The following ARHGAP26 variants were observed in gnomAD, a reference collection of about 807,000 sequenced individuals.
ARHGAP26 encodes the protein rho GTPase-activating protein 26.
ARHGAP26 carries 38 observed loss-of-function variants against 104.8 expected under a neutral mutation model. That is an observed-to-expected ratio of 0.36 (90% confidence interval 0.28 to 0.48). ARHGAP26 has a LOEUF of 0.48. Ranked by LOEUF, ARHGAP26 falls within the 20% of genes least tolerant of loss-of-function variation. The probability of loss-of-function intolerance (pLI) is 0.99; values close to 1 mark genes in which losing one functional copy is unlikely to be tolerated. For synonymous variants in ARHGAP26, 341 were observed against 340.0 expected (o/e 1.00, Z -0.03); for missense variants, 704 against 947.9 (o/e 0.74, Z 3.38).
chr5:142,838,719 G>A (rs1277404490), intron 1 of ARHGAP26, among the ~76,000 whole-genome samples: 1 of 152,222 alleles, frequency 6.6e-6, no homozygotes, highest in Non-Finnish European at 1.5e-5. Context: ...GAACAAGCTG[G>A]TTTGAGGCAC....
intron 17 of ARHGAP26, 141 bp downstream of exon 17, chr5:143,057,888 G>T: frequency 1.3e-6 from 1 of 786,742 alleles, no homozygotes; most frequent in Non-Finnish European, 2.2e-6. Flanking sequence ...AGAAATGTGT[G>T]AAATGTTCAT....
At chr5:142,846,663 T>A (rs1357785029) in intron 1 of ARHGAP26, among the ~76,000 whole-genome samples, 1 of 152,156 alleles carries the variant, frequency 6.6e-6, no homozygotes, top group Non-Finnish European at 1.5e-5. Flanking sequence ...TCATAGACAT[T>A]TGGGAGCAAA....
At chr5:143,124,381 C>T (rs967855050) in intron 18 of ARHGAP26, among the ~76,000 whole-genome samples, 1 of 152,204 alleles carries the variant, frequency 6.6e-6, no homozygotes, top group Non-Finnish European at 1.5e-5. Context: ...ATCTCCAAAC[C>T]TAGTGACTTA....
At chr5:142,957,178 GA>G (rs1362351531) in intron 11 of ARHGAP26, among the ~76,000 whole-genome samples, 2 of 152,162 alleles carry the variant, frequency 1.3e-5, no homozygotes, top group South Asian at 2.1e-4. Context: ...TGGATTTGGG[GA>G]AAATTGATGA....
intron 18 of ARHGAP26, among the ~76,000 whole-genome samples, chr5:143,128,006 C>G (rs1317270584): frequency 1.3e-5 from 2 of 152,094 alleles, no homozygotes; most frequent in Non-Finnish European, 2.9e-5. Context: ...GTTGACTTCC[C>G]TTCCAATGGT....
In ARHGAP26 at chr5:142,913,441, C is replaced by A. The variant is rs922007787; in HGVS notation, c.1028+148C>A. ...CTCCCCCTGCCTCCTTCCTTTCCTT[C>A]TCCATCCATTCATCTATGTCCAGGG... is the stretch of plus-strand genomic sequence containing the variant. On this transcript the variant is annotated intron_variant, in intron 10 of 22. Transcript: ENST00000645722. The A allele has an allele frequency of 1.9e-5, 13 of 679,158 alleles. No homozygotes were observed. The Admixed American group carries it at 2.9e-4, about 15-fold the overall frequency. The allele number at this position is 679,158 out of a possible 1,614,324, so 42.1% of individuals were successfully genotyped here. A position where few individuals can be genotyped will look rare whatever the true frequency, so the allele number is the denominator to read the frequency against.
chr5:142,845,334 C>T (rs1417899635), intron 1 of ARHGAP26, among the ~76,000 whole-genome samples: 1 of 152,128 alleles, frequency 6.6e-6, no homozygotes, highest in East Asian at 1.9e-4. Flanking sequence ...TATTTGTTAT[C>T]ACCCTGCTTC....
chr5:143,147,416 G>A (rs374639606), intron 20 of ARHGAP26, 35 bp downstream of exon 20: 1,795 of 1,593,846 alleles, frequency 1.1e-3, no homozygotes, highest in Non-Finnish European at 1.4e-3. Context: ...CCCCACAAGG[G>A]CTTTGGTCAG....
chr5:142,777,720 C>A lies in ARHGAP26; in HGVS notation c.154+6805C>A, dbSNP rs115930485. Among the ~76,000 whole-genome samples, 736 of 152,200 alleles carry A rather than the reference C, an allele frequency of 4.8e-3. 5 individuals carry two copies. The highest frequency in any genetic ancestry group is 0.012 in the South Asian group (58 of 4,826). ...GTAATGGCTTTTTGGATGGAGGTAACCAATGTAGGAGTCATTAGCGGGGAG... is the reference window on the plus strand; with the variant it reads ...GTAATGGCTTTTTGGATGGAGGTAAACAATGTAGGAGTCATTAGCGGGGAG... On this transcript the variant is annotated intron_variant, in intron 1 of 22. Coordinates refer to ENST00000645722, the MANE Select transcript of ARHGAP26 (RefSeq NM_001135608.3).
chr5:142,843,358 A>G lies in ARHGAP26; in HGVS notation c.155-30042A>G, dbSNP rs571949164. Among the ~76,000 whole-genome samples the G allele has an allele frequency of 6.9e-4, 105 of 152,352 alleles. 1 individual carries two copies. The highest frequency in any genetic ancestry group is 2.4e-3 in the African/African-American group (101 of 41,586). The stretch of plus-strand genomic sequence containing the variant: ...GAGTGGAGTTCAGGGATGCAGGGAC[A>G]TGGGCTCATTGAAGCAACTAATGTA... On this transcript the variant is annotated intron_variant, in intron 1 of 22. Transcript: ENST00000645722.
chr5:142,856,291 G>A (rs182316491), intron 1 of ARHGAP26, among the ~76,000 whole-genome samples: 36 of 152,340 alleles, frequency 2.4e-4, no homozygotes, highest in African/African-American at 6.5e-4. Context: ...GGTGGCAGTC[G>A]GTTGGTTGTG....
chr5:143,052,140 C>T (rs2150232131), intron 14 of ARHGAP26, among the ~76,000 whole-genome samples: 1 of 152,272 alleles, frequency 6.6e-6, no homozygotes, highest in Non-Finnish European at 1.5e-5. Flanking sequence ...TGTGATAGAA[C>T]TCTATGGAAT....
chr5:143,141,909 C>G (rs189400252), intron 19 of ARHGAP26, among the ~76,000 whole-genome samples: 52 of 152,316 alleles, frequency 3.4e-4, no homozygotes, highest in Non-Finnish European at 6.3e-4. Context: ...TGGATCAGTG[C>G]AATCCCAGGC....
At chr5:143,085,098 C>T (rs534344825) in intron 17 of ARHGAP26, among the ~76,000 whole-genome samples, 1 of 151,160 alleles carries the variant, frequency 6.6e-6, no homozygotes, top group South Asian at 2.1e-4. Flanking sequence ...AGAGTTTCCT[C>T]TCCCTCACCC....
chr5:143,203,211 T>TA (rs1406970244), intron 20 of ARHGAP26: 1 of 151,614 alleles, frequency 6.6e-6, no homozygotes, highest in African/African-American at 2.4e-5. Flanking sequence ...ACAAGGAACT[T>TA]AAACAAATTT....
chr5:143,150,888 A>T (rs1378467067), intron 20 of ARHGAP26, among the ~76,000 whole-genome samples: 1 of 152,254 alleles, frequency 6.6e-6, no homozygotes, highest in Non-Finnish European at 1.5e-5. Context: ...ATACAACGTT[A>T]AAAGTATAAT....
chr5:142,983,156 C>A (rs553742631), intron 11 of ARHGAP26, among the ~76,000 whole-genome samples: 37 of 152,256 alleles, frequency 2.4e-4, no homozygotes, highest in South Asian at 1.0e-3. Flanking sequence ...GATCTCTGAG[C>A]CTTATCTTCC....
intron 11 of ARHGAP26, 107 bp from the exon 12 acceptor site, chr5:143,013,973 A>G (rs1779228029): frequency 9.1e-6 from 10 of 1,097,948 alleles, no homozygotes; most frequent in Non-Finnish European, 1.4e-5. Context: ...ATTACCTTCC[A>G]CTTCATGGTG....
chr5:143,157,743 A>G (rs1055631462), intron 20 of ARHGAP26, among the ~76,000 whole-genome samples: 2 of 152,196 alleles, frequency 1.3e-5, no homozygotes, highest in African/African-American at 4.8e-5. Flanking sequence ...GATTTTGTTT[A>G]TATATAAGTG....
Sources: gnomAD v4.1 joint callset for allele counts (sites outside exome capture counted in the v4.1 genomes callset) on GRCh38, gnomAD v4.1.1 for gene constraint, MANE v1.5 for transcripts, NCBI Gene and HGNC (gene_info 2026-07-23, HGNC 2026-07-21) for gene names.